The following LMTK2 variants were observed in gnomAD, a reference collection of about 807,000 sequenced individuals.
LMTK2 encodes the protein serine/threonine-protein kinase LMTK2.
In LMTK2, 37 loss-of-function variants were observed where a neutral mutation model predicts 127.5. That is an observed-to-expected ratio of 0.29 (90% CI 0.22 to 0.38). The LOEUF (loss-of-function observed/expected upper bound fraction) is 0.38. Ranked by LOEUF, LMTK2 falls within the 10% of genes least tolerant of loss-of-function variation. The pLI, the probability that LMTK2 is intolerant of heterozygous loss-of-function variation, is 1.00. For missense variants in LMTK2, 1,694 were observed against 1,920.3 expected, an observed-to-expected ratio of 0.88 and a Z score of 2.20; for synonymous variants, 819 against 810.1, an observed-to-expected ratio of 1.01 and a Z score of -0.19.
At chr7:98,205,331 G>A in intron 13 of LMTK2, 133 bp from the exon 14 acceptor site, 1 of 1,010,722 alleles carries the variant, frequency 9.9e-7, no homozygotes, top group Admixed American at 2.0e-5. Context: ...GACAGGAAGG[G>A]CGGCTCAGGC....
intron 7 of LMTK2, among the ~76,000 whole-genome samples, chr7:98,179,338 G>A (rs868294688): frequency 3.9e-5 from 6 of 152,194 alleles, no homozygotes; most frequent in East Asian, 1.9e-4. Context: ...AGCAGGATGC[G>A]TGCTTGCCCT....
chr7:98,154,249 A>G (rs184866942), intron 4 of LMTK2, among the ~76,000 whole-genome samples: 2 of 152,322 alleles, frequency 1.3e-5, no homozygotes, highest in African/African-American at 2.4e-5. Flanking sequence ...TAGGAGATCA[A>G]GGCCGGGTAT....
chr7:98,159,373 G>T lies in LMTK2; in HGVS notation c.605G>T (p.Gly202Val). Residue 202 changes from glycine (G) to valine (V), a missense_variant, in exon 6 of 14, where the codon GGA (glycine) becomes GTA (valine). Physicochemically the swap from Gly to Val is moderately radical, Grantham distance 109 (BLOSUM62 -3). This residue lies in a region of LMTK2 where 203 missense variants were observed against 226.2 expected (regional missense o/e 0.90). Coordinates refer to ENST00000297293, the MANE Select transcript of LMTK2 (RefSeq NM_014916.4). ...CATCCAAATATTCTTCAGTGTGTTG[G>T]ACAGTGCGTAGAAGCGATTCCCTAC... ...LQHPNILQCV[G>V]QCVEAIPYLL... 1 of 1,612,074 alleles carries T rather than the reference G, an allele frequency of 6.2e-7. No homozygotes were observed. Among genetic ancestry groups the T allele is most frequent in the South Asian group, 1.1e-5 (1 of 90,752 alleles).
At chr7:98,134,652 A>G (rs1385089803) in intron 1 of LMTK2, among the ~76,000 whole-genome samples, 1 of 148,998 alleles carries the variant, frequency 6.7e-6, no homozygotes, top group African/African-American at 2.5e-5. Flanking sequence ...CCCATCTCTC[A>G]ATAGAAAAAA....
chr7:98,170,874 C>T (rs1014014638), intron 6 of LMTK2, among the ~76,000 whole-genome samples: 4 of 152,222 alleles, frequency 2.6e-5, no homozygotes, highest in African/African-American at 7.2e-5. Flanking sequence ...ATGTGCTGGG[C>T]ATCTGACTGT....
At chr7:98,190,630 C>A in intron 9 of LMTK2, 98 bp from the exon 10 acceptor site, 1 of 1,098,036 alleles carries the variant, frequency 9.1e-7, no homozygotes. Flanking sequence ...TTTCAATACA[C>A]ACCTTGTCCT....
chr7:98,176,026 A>G (rs1395873087), intron 7 of LMTK2, among the ~76,000 whole-genome samples: 1 of 152,274 alleles, frequency 6.6e-6, no homozygotes, highest in East Asian at 1.9e-4. Context: ...ATTATTGACG[A>G]TTCTCCTGAA....
At chr7:98,112,707 A>G (rs916838720) in intron 1 of LMTK2, among the ~76,000 whole-genome samples, 6 of 152,116 alleles carry the variant, frequency 3.9e-5, no homozygotes, top group Non-Finnish European at 7.4e-5. Flanking sequence ...TTCTTCGTGA[A>G]CTCCCAAATC....
intron 3 of LMTK2, among the ~76,000 whole-genome samples, chr7:98,142,911 G>A (rs1796719810): frequency 6.6e-6 from 1 of 152,232 alleles, no homozygotes; most frequent in Non-Finnish European, 1.5e-5. Flanking sequence ...CCATTCCCTT[G>A]TAGTTTTATA....
intron 3 of LMTK2, among the ~76,000 whole-genome samples, chr7:98,144,769 G>T (rs1796746059): frequency 6.8e-6 from 1 of 148,014 alleles, no homozygotes; most frequent in African/African-American, 2.5e-5. Context: ...TTTACTCAAA[G>T]GTGTCATGGT....
intron 6 of LMTK2, among the ~76,000 whole-genome samples, chr7:98,166,914 C>G (rs796503800): frequency 7.2e-5 from 11 of 152,354 alleles, no homozygotes; most frequent in African/African-American, 2.6e-4. Flanking sequence ...TTTAGACTCT[C>G]TGTTCTCAAA....
chr7:98,183,256 G>A (rs1797380603), intron 7 of LMTK2, among the ~76,000 whole-genome samples: 2 of 152,086 alleles, frequency 1.3e-5, no homozygotes, highest in South Asian at 4.1e-4. Flanking sequence ...ATCATTTTAA[G>A]TCTCATAAGA....
chr7:98,131,865 T>C (rs929059887), intron 1 of LMTK2, among the ~76,000 whole-genome samples: 2 of 152,168 alleles, frequency 1.3e-5, no homozygotes, highest in African/African-American at 4.8e-5. Context: ...GATACATTGT[T>C]TTCTAAGGTA....
At chr7:98,126,226 GTGT>G (rs1204770408) in intron 1 of LMTK2, among the ~76,000 whole-genome samples, 1 of 152,222 alleles carries the variant, frequency 6.6e-6, no homozygotes, top group African/African-American at 2.4e-5. Flanking sequence ...GATTGACGAA[GTGT>G]TGTGAATCTA....
At chr7:98,165,758 A>G (rs2116411475) in intron 6 of LMTK2, among the ~76,000 whole-genome samples, 1 of 152,258 alleles carries the variant, frequency 6.6e-6, no homozygotes, top group African/African-American at 2.4e-5. Flanking sequence ...TCAGTTCAGC[A>G]ATTTCTCCTC....
At chr7:98,130,797 G>C (rs1460522033) in intron 1 of LMTK2, among the ~76,000 whole-genome samples, 2 of 152,194 alleles carry the variant, frequency 1.3e-5, no homozygotes, top group African/African-American at 4.8e-5. Context: ...CTGCCACCTT[G>C]ATCTTGGACT....
intron 1 of LMTK2, among the ~76,000 whole-genome samples, chr7:98,133,809 C>T (rs1035911825): frequency 6.6e-6 from 1 of 152,110 alleles, no homozygotes; most frequent in Non-Finnish European, 1.5e-5. Flanking sequence ...TAGTGACTCA[C>T]AGAGGACACT....
At position 98,184,737 on chromosome 7, in the gene LMTK2, AAAAAG is replaced by A. The variant is rs948631420; in HGVS notation, c.792-299_792-295del. 5.9e-5 allele frequency among the ~76,000 whole-genome samples: 9 copies of A among 152,322 alleles called. No individual in the cohort carries two copies. The East Asian group carries it at 1.2e-3, about 20-fold the overall frequency. Reference sequence around the variant, plus strand: ...TAAACTTCTAAATTGAATGAGAAAAAAAAAGAAAAGAAAAGAAAATACAAGGAAAC... The same window carrying A: ...TAAACTTCTAAATTGAATGAGAAAAAAAAAGAAAAGAAAATACAAGGAAAC... On this transcript the variant is annotated intron_variant, in intron 7 of 13. Coordinates refer to ENST00000297293, the MANE Select transcript of LMTK2 (RefSeq NM_014916.4).
intron 1 of LMTK2, among the ~76,000 whole-genome samples, chr7:98,127,763 C>G (rs13228540): frequency 0.037 from 5,621 of 152,206 alleles, 158 homozygotes; most frequent in Middle Eastern, 0.095. Flanking sequence ...CCCCAAATAC[C>G]CTGATGTGGT....
Sources: allele counts gnomAD v4.1 joint callset (sites outside exome capture counted in the v4.1 genomes callset), GRCh38; gene constraint gnomAD v4.1.1; regional missense constraint gnomAD v4.1.1; transcripts MANE v1.5; gene names NCBI Gene and HGNC (gene_info 2026-07-23, HGNC 2026-07-21).